PCDH7: variants seen among roughly 807,000 people sequenced by gnomAD.
PCDH7 encodes protocadherin 7.
A neutral mutation model predicts 58.9 loss-of-function variants in PCDH7; 17 were observed. The observed-to-expected ratio is 0.29, with a 90% CI of 0.20 to 0.43. The LOEUF is 0.43. Ranked by LOEUF, PCDH7 falls within the 20% of genes least tolerant of loss-of-function variation. The pLI is 1.00. For synonymous variants in PCDH7, 664 were observed against 616.4 expected (o/e 1.08, Z -1.14); for missense variants, 1,274 against 1,441.0 (o/e 0.88, Z 1.88).
chr4:31,110,668 C>T (rs944225080), intron 3 of PCDH7, among the ~76,000 whole-genome samples: 1 of 152,062 alleles, frequency 6.6e-6, no homozygotes, highest in South Asian at 2.1e-4. Flanking sequence ...GTAATCCCAG[C>T]GCTTTAGGAG....
At chr4:30,743,467 C>G (rs1717354126) in intron 1 of PCDH7, among the ~76,000 whole-genome samples, 1 of 151,440 alleles carries the variant, frequency 6.6e-6, no homozygotes, top group Non-Finnish European at 1.5e-5. Flanking sequence ...TCTTGCTGGG[C>G]CTTTTTACTG....
chr4:30,723,647 T>C lies in PCDH7; in HGVS notation c.2225T>C (p.Val742Ala), dbSNP rs747985427. ...GATGAAAATGACAATGCTCCCACAGTTACCCTTCCCAAAAACATTTCCTAC... is the reference window on the plus strand; with the variant it reads ...GATGAAAATGACAATGCTCCCACAGCTACCCTTCCCAAAAACATTTCCTAC... The change falls in exon 1 of 2, where the codon GTT becomes GCT. Residue 742 changes from valine (V) to alanine (A), a missense_variant. Around this residue, in one of 3 missense-constraint regions of PCDH7, gnomAD observed 731 missense variants for 881.9 expected, o/e 0.83. Coordinates refer to ENST00000361762, the Ensembl canonical transcript of PCDH7. This position sits in a 1 kb window ranked among gnomAD's most constrained non-coding sequence, Gnocchi z 4.6. The C allele has an allele frequency of 1.9e-6, 3 of 1,614,044 alleles. No individual in the cohort carries two copies. Among genetic ancestry groups the C allele is most frequent in the African/African-American group, 2.7e-5 (2 of 74,916 alleles).
intron 3 of PCDH7, among the ~76,000 whole-genome samples, chr4:31,016,003 A>T (rs541487278): frequency 1.3e-5 from 2 of 152,322 alleles, no homozygotes; most frequent in Non-Finnish European, 2.9e-5. Context: ...GTGACAGAAA[A>T]GATGGGCCTG....
intron 1 of PCDH7, among the ~76,000 whole-genome samples, chr4:30,779,640 CTG>C (rs953214019): frequency 1.3e-5 from 2 of 152,162 alleles, no homozygotes; most frequent in African/African-American, 4.8e-5. Context: ...AAAGAGGAAA[CTG>C]TTTGTAATTT....
intron 1 of PCDH7, among the ~76,000 whole-genome samples, chr4:30,728,330 A>G (rs1293053146): frequency 1.3e-5 from 2 of 151,230 alleles, no homozygotes; most frequent in African/African-American, 2.4e-5. Flanking sequence ...GAGCATATAT[A>G]TATATTCTTT....
intron 1 of PCDH7, among the ~76,000 whole-genome samples, chr4:30,876,788 C>A (rs1176987806): frequency 6.6e-6 from 1 of 151,720 alleles, no homozygotes; most frequent in Non-Finnish European, 1.5e-5. Flanking sequence ...TGCAGAATGT[C>A]CAGGTTTGCT....
intron 3 of PCDH7, among the ~76,000 whole-genome samples, chr4:30,959,023 A>G (rs1007563535): frequency 2.0e-5 from 3 of 152,080 alleles, no homozygotes; most frequent in Non-Finnish European, 2.9e-5. Context: ...GCAAAATTAG[A>G]TGGTTCTGAA....
chr4:30,899,580 A>G (rs1739930464), intron 1 of PCDH7, among the ~76,000 whole-genome samples: 1 of 152,238 alleles, frequency 6.6e-6, no homozygotes, highest in Non-Finnish European at 1.5e-5. Flanking sequence ...CCTGTCTGCC[A>G]GAACTAGGCT....
intron 3 of PCDH7, among the ~76,000 whole-genome samples, chr4:31,124,151 G>A (rs377697776): frequency 2.6e-5 from 4 of 152,122 alleles, no homozygotes; most frequent in Non-Finnish European, 5.9e-5. Context: ...GTCCAGCCTC[G>A]AGGGTGGAGC....
At chr4:30,884,448 GT>G (rs944631300) in intron 1 of PCDH7, 1 of 152,098 alleles carries the variant, frequency 6.6e-6, no homozygotes, top group African/African-American at 2.4e-5. Flanking sequence ...TTTCATTTAG[GT>G]AGTTTATTTT....
intron 3 of PCDH7, among the ~76,000 whole-genome samples, chr4:31,130,625 A>G (rs1302080814): frequency 2.6e-5 from 4 of 152,186 alleles, no homozygotes; most frequent in Admixed American, 2.0e-4. Flanking sequence ...TCTGACATAA[A>G]TCTGCCAGAG....
At chr4:30,816,656 A>C (rs565893471) in intron 1 of PCDH7, among the ~76,000 whole-genome samples, 6 of 152,236 alleles carry the variant, frequency 3.9e-5, no homozygotes, top group Non-Finnish European at 8.8e-5. Context: ...TAGGCAATAG[A>C]AGTCACAACA....
intron 3 of PCDH7, among the ~76,000 whole-genome samples, chr4:31,057,149 A>G (rs1022474495): frequency 6.6e-6 from 1 of 152,198 alleles, no homozygotes; most frequent in Admixed American, 6.5e-5. Context: ...TTCTTTTGCC[A>G]ACTTTCAAAA....
chr4:31,029,936 G>A (rs975640858), intron 3 of PCDH7, among the ~76,000 whole-genome samples: 1 of 152,110 alleles, frequency 6.6e-6, no homozygotes, highest in Non-Finnish European at 1.5e-5. Flanking sequence ...AAGTAGTTTA[G>A]AAAACAAAAC....
chr4:30,790,738 A>C (rs1724004254), intron 1 of PCDH7, among the ~76,000 whole-genome samples: 1 of 152,118 alleles, frequency 6.6e-6, no homozygotes, highest in South Asian at 2.1e-4. Context: ...TGGGTAACAT[A>C]GTGAGACCTC....
intron 3 of PCDH7, among the ~76,000 whole-genome samples, chr4:30,997,334 A>T (rs1428475929): frequency 6.6e-6 from 1 of 152,218 alleles, no homozygotes; most frequent in Non-Finnish European, 1.5e-5. Context: ...TATAAAAATT[A>T]GTCCATGGTA....
chr4:30,739,091 T>G (rs1326893485), intron 1 of PCDH7, among the ~76,000 whole-genome samples: 1 of 148,710 alleles, frequency 6.7e-6, no homozygotes, highest in Non-Finnish European at 1.5e-5. Flanking sequence ...ATGATAAAAT[T>G]AATAATGAGC....
At chr4:30,783,005 T>C (rs1722984146) in intron 1 of PCDH7, 1 of 152,182 alleles carries the variant, frequency 6.6e-6, no homozygotes, top group African/African-American at 2.4e-5. Flanking sequence ...TCAACATCTA[T>C]ACAACTGTCA....
chr4:31,077,090 C>T (rs1223351423), intron 3 of PCDH7, among the ~76,000 whole-genome samples: 1 of 151,922 alleles, frequency 6.6e-6, no homozygotes, highest in Non-Finnish European at 1.5e-5. Context: ...TATACATACA[C>T]ACATAAATCT....
Sources: allele counts gnomAD v4.1 joint callset (sites outside exome capture counted in the v4.1 genomes callset), GRCh38; gene constraint gnomAD v4.1.1; regional missense constraint gnomAD v4.1.1; non-coding constraint Gnocchi (gnomAD v3.1); transcripts MANE v1.5; gene names NCBI Gene and HGNC (gene_info 2026-07-23, HGNC 2026-07-21).